The following LINGO2 variants were observed in gnomAD, a reference collection of about 807,000 sequenced individuals.
LINGO2 encodes leucine rich repeat and Ig domain containing 2, also known as leucine-rich repeat and immunoglobulin-like domain-containing nogo receptor-interacting protein 2.
LINGO2 carries 14 observed loss-of-function variants against 30.6 expected under a neutral mutation model. The ratio of observed to expected loss-of-function variants is 0.46; its 90% CI spans 0.30 to 0.72. The LOEUF (loss-of-function observed/expected upper bound fraction) is 0.72. Ranked by LOEUF, LINGO2 falls within the 30% of genes least tolerant of loss-of-function variation. The pLI is 0.07. For missense variants in LINGO2, 729 were observed against 751.7 expected (o/e 0.97, Z 0.35); for synonymous variants, 317 against 288.5 (o/e 1.10, Z -1.00).
At chr9:28,763,259 G>T in the LINGO2 span, among the ~76,000 whole-genome samples, 4 of 151,914 alleles carry the variant, frequency 2.6e-5, no homozygotes, top group Admixed American at 2.0e-4. Flanking sequence ...ATTTCACACA[G>T]AATGTTCTCC....
intron 4 of LINGO2, among the ~76,000 whole-genome samples, chr9:28,122,074 C>T (rs1033466892): frequency 1.3e-5 from 2 of 152,058 alleles, no homozygotes. Context: ...CTGGTGTTCA[C>T]AAAACTAGCG....
upstream of LINGO2, among the ~76,000 whole-genome samples, chr9:28,672,733 T>C (rs920470114): frequency 6.6e-6 from 1 of 152,126 alleles, no homozygotes; most frequent in Non-Finnish European, 1.5e-5. Flanking sequence ...AAATGTGAAT[T>C]TTAGCATTAC....
At chr9:29,075,819 T>C in the LINGO2 span, among the ~76,000 whole-genome samples, 1 of 152,132 alleles carries the variant, frequency 6.6e-6, no homozygotes, top group African/African-American at 2.4e-5. Flanking sequence ...GCTCCTTACA[T>C]CAAAATCTAA....
the LINGO2 span, among the ~76,000 whole-genome samples, chr9:29,168,641 G>A: frequency 7.2e-5 from 11 of 152,214 alleles, no homozygotes; most frequent in Non-Finnish European, 1.5e-4. Flanking sequence ...AAGTGAAGAT[G>A]TGAAACCTGG....
the LINGO2 span, among the ~76,000 whole-genome samples, chr9:29,212,506 G>A: frequency 2.6e-5 from 4 of 152,050 alleles, no homozygotes; most frequent in African/African-American, 9.7e-5. Flanking sequence ...GCCCACCTGC[G>A]CCAGGCTCAC....
intron 2 of LINGO2, among the ~76,000 whole-genome samples, chr9:28,400,286 T>C (rs1331905): frequency 0.46 from 70,499 of 152,032 alleles, 16,750 homozygotes; most frequent in Middle Eastern, 0.64. Context: ...AAAGAACGTA[T>C]GAATTTTCCT....
intron 4 of LINGO2, among the ~76,000 whole-genome samples, chr9:28,031,903 C>G (rs529243233): frequency 1.3e-5 from 2 of 152,234 alleles, no homozygotes; most frequent in African/African-American, 2.4e-5. Flanking sequence ...CCTTAAAATA[C>G]CTTCAATCTG....
At chr9:28,784,024 G>A in the LINGO2 span, among the ~76,000 whole-genome samples, 5 of 152,140 alleles carry the variant, frequency 3.3e-5, no homozygotes, top group East Asian at 1.9e-4. Context: ...AGTCCCCACC[G>A]CTGAACACCA....
At chr9:27,940,108 A>G in the LINGO2 span, 1 of 152,112 alleles carries the variant, frequency 6.6e-6, no homozygotes, top group Admixed American at 6.6e-5. Flanking sequence ...GAGAATCCAC[A>G]TATTTTCCAC....
At chr9:28,631,947 A>G (rs1016514642) in intron 1 of LINGO2, among the ~76,000 whole-genome samples, 9 of 152,218 alleles carry the variant, frequency 5.9e-5, no homozygotes, top group African/African-American at 2.2e-4. Context: ...ATAAACTGAT[A>G]ATAAGACAGA....
the LINGO2 span, among the ~76,000 whole-genome samples, chr9:28,759,559 G>A: frequency 2.6e-5 from 4 of 151,870 alleles, no homozygotes; most frequent in Admixed American, 2.6e-4. Context: ...ACAGGCGCCT[G>A]CAGTCCCAGC....
chr9:28,044,475 A>T (rs916302005), intron 4 of LINGO2, among the ~76,000 whole-genome samples: 1 of 152,192 alleles, frequency 6.6e-6, no homozygotes, highest in African/African-American at 2.4e-5. Context: ...CTAAGAACAT[A>T]GACAACCTGA....
the LINGO2 span, among the ~76,000 whole-genome samples, chr9:29,190,534 T>C: frequency 6.6e-6 from 1 of 152,302 alleles, no homozygotes; most frequent in Non-Finnish European, 1.5e-5. Flanking sequence ...TGAAAACAAC[T>C]ATTTTCTAGT....
intron 3 of LINGO2, among the ~76,000 whole-genome samples, chr9:28,332,700 A>T (rs1162963180): frequency 6.6e-6 from 1 of 152,168 alleles, no homozygotes; most frequent in Non-Finnish European, 1.5e-5. Context: ...GAATCAAATG[A>T]AAGGAAATGA....
chr9:28,018,536 C>T (rs1395637076), intron 4 of LINGO2, among the ~76,000 whole-genome samples: 1 of 152,048 alleles, frequency 6.6e-6, no homozygotes, highest in African/African-American at 2.4e-5. Flanking sequence ...AGACAAAGGA[C>T]ATGAACAGAT....
At chr9:28,146,621 C>T (rs375202937) in intron 4 of LINGO2, among the ~76,000 whole-genome samples, 1 of 151,586 alleles carries the variant, frequency 6.6e-6, no homozygotes, top group East Asian at 1.9e-4. Context: ...GGTTTCAATT[C>T]TCCAATAACA....
the LINGO2 span, among the ~76,000 whole-genome samples, chr9:28,873,078 T>G: frequency 2.0e-5 from 3 of 152,096 alleles, no homozygotes; most frequent in Admixed American, 2.0e-4. Context: ...TCTCTACTAG[T>G]AAGAAAACTA....
the LINGO2 span, among the ~76,000 whole-genome samples, chr9:28,994,004 G>A: frequency 6.6e-6 from 1 of 151,240 alleles, no homozygotes; most frequent in Admixed American, 6.6e-5. Flanking sequence ...CATAGTGTTG[G>A]AAGTTCTGGC....
the LINGO2 span, among the ~76,000 whole-genome samples, chr9:29,193,942 C>T: frequency 6.6e-6 from 1 of 152,300 alleles, no homozygotes; most frequent in Non-Finnish European, 1.5e-5. Context: ...AGCTAGGCTA[C>T]CCCTCAAATC....
Sources: gnomAD v4.1 joint callset for allele counts (sites outside exome capture counted in the v4.1 genomes callset) on GRCh38, gnomAD v4.1.1 for gene constraint, MANE v1.5 for transcripts, NCBI Gene and HGNC (gene_info 2026-07-23, HGNC 2026-07-21) for gene names.